The following MATN2 variants were observed in gnomAD, a reference collection of about 807,000 sequenced individuals.
MATN2 encodes matrilin-2.
Under a neutral mutation model 103.2 loss-of-function variants are expected in MATN2, and 69 were observed. That is an observed-to-expected ratio of 0.67 (90% CI 0.55 to 0.82). The LOEUF (loss-of-function observed/expected upper bound fraction) is 0.82. Ranked by LOEUF, MATN2 falls within the 40% of genes least tolerant of loss-of-function variation. MATN2 has a pLI of 0.00. For missense variants in MATN2, 1,023 were observed against 1,211.5 expected (o/e 0.84, Z 2.31); for synonymous variants, 429 against 450.2 (o/e 0.95, Z 0.60).
chr8:97,930,945 T>A lies in MATN2; in HGVS notation c.143-8T>A, dbSNP rs1336522666. ...TTCTAATGTATTTGACCTCTCCTCT[T>A]TCCCCAGAGAGTTCCTGTGAGAACA... On this transcript the variant is annotated splice_polypyrimidine_tract_variant and splice_region_variant and intron_variant, in intron 2 of 18. Transcript: ENST00000254898. 1 of 1,595,008 alleles carries A rather than the reference T, an allele frequency of 6.3e-7. No individual in the cohort carries two copies. Among genetic ancestry groups the A allele is most frequent in the African/African-American group, 1.3e-5 (1 of 74,694 alleles).
intron 2 of MATN2, among the ~76,000 whole-genome samples, chr8:97,911,739 G>A (rs543450638): frequency 2.0e-5 from 3 of 152,056 alleles, no homozygotes; most frequent in East Asian, 1.9e-4. Flanking sequence ...AAAGTTATGC[G>A]GCCAGTGTCA....
chr8:98,025,050 C>T (rs983630369), intron 13 of MATN2: 5 of 152,198 alleles, frequency 3.3e-5, no homozygotes, highest in African/African-American at 1.2e-4. Context: ...AACAGACTCA[C>T]TGCTGGAAAA....
intron 2 of MATN2, among the ~76,000 whole-genome samples, chr8:97,914,558 G>A (rs1490369465): frequency 6.7e-6 from 1 of 149,812 alleles, no homozygotes; most frequent in Non-Finnish European, 1.5e-5. Flanking sequence ...TTAATCTATT[G>A]TAGAGAGGGG....
At chr8:97,880,871 C>T (rs1818232129) in intron 1 of MATN2, among the ~76,000 whole-genome samples, 1 of 152,190 alleles carries the variant, frequency 6.6e-6, no homozygotes, top group African/African-American at 2.4e-5. Context: ...GCATGAGCCA[C>T]CATGCCCGGC....
chr8:97,888,211 C>G lies in MATN2; in HGVS notation c.111C>G (p.His37Gln), dbSNP rs372776833. 6.3e-7 allele frequency: 1 copy of G among 1,585,476 alleles called. No homozygotes were observed. Among genetic ancestry groups the G allele is most frequent in the Non-Finnish European group, 8.6e-7 (1 of 1,164,086 alleles). Residue 37 changes from histidine to glutamine, a missense_variant, in exon 2 of 19, where the codon CAC becomes CAG. Physicochemically the swap from His to Gln is conservative, Grantham distance 24. Coordinates refer to ENST00000254898, the MANE Select transcript of MATN2 (RefSeq NM_002380.5). The stretch of plus-strand genomic sequence containing the variant: ...GGAGGTCCATCTCTAGGGGCAGACA[C>G]GCTCGGACCCACCCGCAGACGGCCC... ...SRGRSISRGR[H>Q]ARTHPQTALL...
intron 2 of MATN2, among the ~76,000 whole-genome samples, chr8:97,888,521 C>G (rs985158523): frequency 1.3e-5 from 2 of 152,088 alleles, no homozygotes; most frequent in Non-Finnish European, 2.9e-5. Flanking sequence ...TGAAAATGTC[C>G]TTGTTGTTGG....
At chr8:98,004,820 T>C (rs1812912480) in intron 8 of MATN2, among the ~76,000 whole-genome samples, 2 of 152,240 alleles carry the variant, frequency 1.3e-5, no homozygotes, top group South Asian at 2.1e-4. Context: ...GTGATGTAAA[T>C]GTATGGGAAC....
chr8:97,924,821 G>C (rs929688798), intron 2 of MATN2, among the ~76,000 whole-genome samples: 1 of 151,794 alleles, frequency 6.6e-6, no homozygotes, highest in African/African-American at 2.4e-5. Flanking sequence ...ACCCCAGAGA[G>C]CCAATCCAGC....
At chr8:97,904,931 C>T (rs1029349771) in intron 2 of MATN2, among the ~76,000 whole-genome samples, 76 of 152,116 alleles carry the variant, frequency 5.0e-4, no homozygotes, top group African/African-American at 1.7e-3. Context: ...TTAGCATTCC[C>T]TTCTATTATG....
At chr8:97,917,987 C>G (rs926045846) in intron 2 of MATN2, among the ~76,000 whole-genome samples, 1 of 151,886 alleles carries the variant, frequency 6.6e-6, no homozygotes, top group Non-Finnish European at 1.5e-5. Flanking sequence ...CTGGAGGCTA[C>G]GTTGGGAGGA....
At chr8:97,884,495 C>G (rs756756495) in intron 1 of MATN2, among the ~76,000 whole-genome samples, 18 of 152,056 alleles carry the variant, frequency 1.2e-4, no homozygotes, top group Non-Finnish European at 2.1e-4. Context: ...ATAATAACAG[C>G]AACAACAGGC....
chr8:97,871,692 C>G (rs1199902798), intron 1 of MATN2, among the ~76,000 whole-genome samples: 1 of 152,204 alleles, frequency 6.6e-6, no homozygotes, highest in Non-Finnish European at 1.5e-5. Context: ...CCAGGGAGGT[C>G]CTTCCAAGGG....
At position 98,030,477 on chromosome 8, in the gene MATN2, C is replaced by T; in HGVS notation, c.2372C>T (p.Ala791Val). ...TGCACCCTAGGTATCACTATGTATG[C>T]TGTTGGGGTAGGAAAAGCCATTGAG... ...KAKANGITMYAVGVGKAIEEE... is the reference protein window; with the variant it reads ...KAKANGITMYVVGVGKAIEEE... Residue 791 changes from alanine to valine, a missense_variant, in exon 15 of 19, where the codon GCT becomes GTT. Ala to Val is a moderately conservative substitution (Grantham distance 64, BLOSUM62 0). Coordinates refer to ENST00000254898, the MANE Select transcript of MATN2 (RefSeq NM_002380.5). 2.5e-6 allele frequency: 4 copies of T among 1,613,484 alleles called. No homozygotes were observed. Among genetic ancestry groups the T allele is most frequent in the South Asian group, 1.1e-5 (1 of 91,008 alleles).
intron 6 of MATN2, among the ~76,000 whole-genome samples, chr8:97,985,848 G>A (rs891350950): frequency 5.9e-5 from 9 of 152,042 alleles, no homozygotes; most frequent in African/African-American, 1.9e-4. Context: ...GATTATAGGC[G>A]CACACTACTG....
chr8:98,016,971 T>C (rs111481414), intron 11 of MATN2, among the ~76,000 whole-genome samples: 4,822 of 152,334 alleles, frequency 0.032, 113 homozygotes, highest in Non-Finnish European at 0.051. Context: ...TGCAATTCTT[T>C]GCGCTATCTT....
intron 18 of MATN2, chr8:98,034,026 G>A: frequency 5.0e-6 from 2 of 397,790 alleles, no homozygotes; most frequent in South Asian, 3.8e-5. Flanking sequence ...GGTAAGTATA[G>A]ACAAAGAATG....
chr8:97,955,155 G>C (rs995759487), intron 4 of MATN2, among the ~76,000 whole-genome samples: 2 of 150,980 alleles, frequency 1.3e-5, no homozygotes, highest in Non-Finnish European at 3.0e-5. Flanking sequence ...GTGAAGGGGT[G>C]GGTCTTGTAG....
At chr8:98,031,002 G>A (rs2130454734) in intron 15 of MATN2, among the ~76,000 whole-genome samples, 1 of 152,164 alleles carries the variant, frequency 6.6e-6, no homozygotes, top group South Asian at 2.1e-4. Flanking sequence ...CCAAAAAAAA[G>A]TGTCTCCTTC....
intron 18 of MATN2, 27 bp from the exon 19 acceptor site, chr8:98,035,627 ATTC>A: frequency 7.3e-7 from 1 of 1,378,806 alleles, no homozygotes; most frequent in East Asian, 2.3e-5. Flanking sequence ...AAAATAGACA[ATTC>A]TTCATCTTCC....
Sources: gnomAD v4.1 joint callset for allele counts (sites outside exome capture counted in the v4.1 genomes callset) on GRCh38, gnomAD v4.1.1 for gene constraint, MANE v1.5 for transcripts, NCBI Gene and HGNC (gene_info 2026-07-23, HGNC 2026-07-21) for gene names.